OR11L1: variants seen among roughly 807,000 people sequenced by gnomAD.
OR11L1 encodes the protein olfactory receptor 11L1.
For missense variants in OR11L1, 397 were observed against 392.7 expected (o/e 1.01, Z -0.09); for synonymous variants, 164 against 159.1 (o/e 1.03, Z -0.23).
chr1:247,841,855 C>T lies in OR11L1; in HGVS notation c.42G>A (p.Leu14=), dbSNP rs201418677. The change falls in exon 1 of 1, where the codon CTG becomes CTA. Residue 14 remains leucine, a synonymous_variant. Transcript: ENST00000355784. The part of the protein sequence containing the change: ...QNTSTVTNFQ[L]LGFQNLLEWQ... ...ATTCAAGAAGGTTCTGGAATCCTAA[C>T]AGCTGAAAGTTAGTCACAGTGGAGG... The T allele has an allele frequency of 6.2e-7, 1 of 1,613,906 alleles. No homozygotes were observed. The highest frequency in any genetic ancestry group is 1.3e-5 in the African/African-American group (1 of 75,022).
Position 247,841,804 on chromosome 1 carries a change from G to A in OR11L1, c.93C>T (p.Phe31=), listed in dbSNP as rs753984060. The A allele has an allele frequency of 1.9e-6, 3 of 1,614,110 alleles. No individual in the cohort carries two copies. The highest frequency in any genetic ancestry group is 2.5e-6 in the Non-Finnish European group (3 of 1,180,012). Residue 31 remains phenylalanine, a synonymous_variant, in exon 1 of 1, where the codon TTC becomes TTT. Coordinates refer to ENST00000355784, the MANE Select transcript of OR11L1 (RefSeq NM_001001959.1). ...LEWQALLFVI[F]LLIYCLTIIG... ...TAATGGTCAGGCAGTAGATGAGCAG[G>A]AAAATGACAAAGAGCAGGGCCTGCC...
chr1:247,841,713 A>G lies in OR11L1; in HGVS notation c.184T>C (p.Phe62Leu). 1.2e-6 allele frequency: 2 copies of G among 1,614,084 alleles called. No homozygotes were observed. The highest frequency in any genetic ancestry group is 1.3e-5 in the African/African-American group (1 of 75,062). The change falls in exon 1 of 1, where the codon TTC becomes CTC. Residue 62 changes from phenylalanine to leucine, a missense_variant. Physicochemically the swap from Phe to Leu is conservative, Grantham distance 22 (BLOSUM62 0). Transcript: ENST00000355784. ...GLRLHSPMYM[F>L]LQHLSFLEVW... ...TCCAGAAAGGAGAGATGCTGGAGGA[A>G]CATGTACATAGGGGAGTGCAGTCGC...
Position 247,841,092 on chromosome 1 carries a change from C to T in OR11L1, c.805G>A (p.Glu269Lys), listed in dbSNP as rs866164111. ...YVCPSPHLLP[E>K]INKIISVFYT... is the part of the protein sequence containing the mutation. Reference sequence around the variant, plus strand: ...AAGACAGAAATGATCTTGTTGATTTCAGGCAACAGGTGGGGACTGGGACAC... The same window carrying T: ...AAGACAGAAATGATCTTGTTGATTTTAGGCAACAGGTGGGGACTGGGACAC... Residue 269 changes from glutamate to lysine, a missense_variant, in exon 1 of 1, where the codon GAA becomes AAA. By Grantham distance (56) the Glu-to-Lys change is moderately conservative. Transcript: ENST00000355784. The T allele has an allele frequency of 1.2e-6, 2 of 1,614,116 alleles. No individual in the cohort carries two copies. Among genetic ancestry groups the T allele is most frequent in the Middle Eastern group, 1.6e-4 (1 of 6,062 alleles).
rs760857351 is a variant in OR11L1 at position 247,841,869 on chromosome 1, T to C, written c.28A>G (p.Thr10Ala). 1.6e-5 allele frequency: 26 copies of C among 1,613,408 alleles called. No homozygotes were observed. The highest frequency in any genetic ancestry group is 5.0e-5 in the Admixed American group (3 of 59,982). Residue 10 changes from threonine (T) to alanine (A), a missense_variant, in exon 1 of 1, where the codon ACT becomes GCT. Coordinates refer to ENST00000355784, the MANE Select transcript of OR11L1 (RefSeq NM_001001959.1). Reference protein sequence around the residue: MEPQNTSTVTNFQLLGFQNL... With the variant: MEPQNTSTVANFQLLGFQNL... ...TGGAATCCTAACAGCTGAAAGTTAGTCACAGTGGAGGTATTTTGGGGCTCC... is the reference window on the plus strand; with the variant it reads ...TGGAATCCTAACAGCTGAAAGTTAGCCACAGTGGAGGTATTTTGGGGCTCC...
In OR11L1 at chr1:247,841,261, A is replaced by G; in HGVS notation, c.636T>C (p.Phe212=). The change falls in exon 1 of 1, where the codon TTT becomes TTC. Residue 212 remains phenylalanine, a synonymous_variant. Transcript: ENST00000355784. ...LSIAVLCICF[F]LTLGPYVFIV... ...TGAAAACATAGGGCCCCAGTGTCAG[A>G]AAAAAACAAATGCACAGCACGGCAA... 6.2e-7 allele frequency: 1 copy of G among 1,614,128 alleles called. No homozygotes were observed. Among genetic ancestry groups the G allele is most frequent in the East Asian group, 2.2e-5 (1 of 44,886 alleles).
At position 247,841,027 on chromosome 1, in the gene OR11L1, G is replaced by C. The variant is rs761262152; in HGVS notation, c.870C>G (p.Tyr290Ter). Residue 290 changes from tyrosine to a stop codon, truncating the protein, a stop_gained, in exon 1 of 1, where the codon TAC (tyrosine) becomes TAG (stop). Transcript: ENST00000355784. LOFTEE classifies it low-confidence loss of function (END_TRUNC). ...VVTPLLNPVI[Y>*]SLRNKDFKEA... ...CTTTGAAGTCTTTGTTCCTCAAGCTGTAGATAACTGGGTTCAGCAGTGGTG... is the reference window on the plus strand; with the variant it reads ...CTTTGAAGTCTTTGTTCCTCAAGCTCTAGATAACTGGGTTCAGCAGTGGTG... The C allele has an allele frequency of 1.2e-6, 2 of 1,614,066 alleles. No homozygotes were observed. Among genetic ancestry groups the C allele is most frequent in the African/African-American group, 2.7e-5 (2 of 74,930 alleles).
chr1:247,841,706 T>C lies in OR11L1; in HGVS notation c.191A>G (p.Gln64Arg). The C allele has an allele frequency of 6.2e-7, 1 of 1,614,074 alleles. No individual in the cohort carries two copies. Among genetic ancestry groups the C allele is most frequent in the South Asian group, 1.1e-5 (1 of 91,068 alleles). The change falls in exon 1 of 1, where the codon CAG becomes CGG. Residue 64 changes from glutamine to arginine, a missense_variant. By Grantham distance (43) the Gln-to-Arg change is conservative. Transcript: ENST00000355784. ...CCAGACCTCCAGAAAGGAGAGATGC[T>C]GGAGGAACATGTACATAGGGGAGTG... ...RLHSPMYMFL[Q>R]HLSFLEVWYT...
At position 247,841,195 on chromosome 1, in the gene OR11L1, C is replaced by T. The variant is rs1435216761; in HGVS notation, c.702G>A (p.Arg234=). ...AGCCACATGTGGAAAAGGTCTTTCTCCGGCCAGAGGTGGAAGGGATTCTCA... is the reference window on the plus strand; with the variant it reads ...AGCCACATGTGGAAAAGGTCTTTCTTCGGCCAGAGGTGGAAGGGATTCTCA... ...SILRIPSTSG[R]RKTFSTCGSH... Residue 234 remains arginine, a synonymous_variant, in exon 1 of 1, where the codon CGG becomes CGA. Transcript: ENST00000355784. 6.2e-7 allele frequency: 1 copy of T among 1,614,138 alleles called. No homozygotes were observed.
In OR11L1 at chr1:247,841,662, G is replaced by C; in HGVS notation, c.235C>G (p.Pro79Ala). The C allele has an allele frequency of 6.2e-7, 1 of 1,614,184 alleles. No homozygotes were observed. Among genetic ancestry groups the C allele is most frequent in the Non-Finnish European group, 8.5e-7 (1 of 1,180,032 alleles). The stretch of plus-strand genomic sequence containing the variant: ...GACAGCAGGTTGGCTAGGAGAAGGG[G>C]CACAGTGGTGGACGTGTACCAGACC... ...LEVWYTSTTV[P>A]LLLANLLSWG... Residue 79 changes from proline to alanine, a missense_variant, in exon 1 of 1, where the codon CCC becomes GCC. Transcript: ENST00000355784.
rs1456392151 is a variant in OR11L1, at chr1:247,841,602, C to G, written c.295G>C (p.Ala99Pro). 6.2e-7 allele frequency: 1 copy of G among 1,613,862 alleles called. No individual in the cohort carries two copies. Among genetic ancestry groups the G allele is most frequent in the Non-Finnish European group, 8.5e-7 (1 of 1,179,916 alleles). ...GQAISFSACM[A>P]QLYFFVFLGA... is the part of the protein sequence containing the mutation. The stretch of plus-strand genomic sequence containing the variant: ...AGGAATACGAAGAAGTAGAGCTGTG[C>G]CATGCAGGCAGAGAAGGAGATGGCT... Residue 99 changes from alanine (A) to proline (P), a missense_variant, in exon 1 of 1, where the codon GCA becomes CCA. Coordinates refer to ENST00000355784, the MANE Select transcript of OR11L1 (RefSeq NM_001001959.1).
chr1:247,841,699 G>A lies in OR11L1; in HGVS notation c.198C>T (p.Leu66=). Residue 66 remains leucine (L), a synonymous_variant, in exon 1 of 1, where the codon CTC becomes CTT. Coordinates refer to ENST00000355784, the MANE Select transcript of OR11L1 (RefSeq NM_001001959.1). ...ACGTGTACCAGACCTCCAGAAAGGA[G>A]AGATGCTGGAGGAACATGTACATAG... is the stretch of plus-strand genomic sequence containing the variant. ...HSPMYMFLQH[L]SFLEVWYTST... 6.2e-7 allele frequency: 1 copy of A among 1,614,154 alleles called. No homozygotes were observed. Among genetic ancestry groups the A allele is most frequent in the Non-Finnish European group, 8.5e-7 (1 of 1,179,976 alleles).
Position 247,841,812 on chromosome 1 carries a change from CAA to C in OR11L1, c.83_84del (p.Phe28CysfsTer93), listed in dbSNP as rs1558342627. 6.2e-7 allele frequency: 1 copy of C among 1,614,060 alleles called. No individual in the cohort carries two copies. ...AGGCAGTAGATGAGCAGGAAAATGA[CAA>C]AGAGCAGGGCCTGCCATTCAAGAAG... ...QNLLEWQALL[F>X]VIFLLIYCLT... On this transcript the variant is annotated frameshift_variant, in exon 1 of 1. Coordinates refer to ENST00000355784, the MANE Select transcript of OR11L1 (RefSeq NM_001001959.1). LOFTEE classifies it low-confidence loss of function (END_TRUNC).
Position 247,841,070 on chromosome 1 carries a change from A to T in OR11L1, c.827T>A (p.Val276Asp). ...LLPEINKIIS[V>D]FYTVVTPLLN... is the part of the protein sequence containing the mutation. The stretch of plus-strand genomic sequence containing the variant: ...CAGTGGTGTGACCACAGTGTAGAAG[A>T]CAGAAATGATCTTGTTGATTTCAGG... Residue 276 changes from valine to aspartate, a missense_variant, in exon 1 of 1, where the codon GTC becomes GAC. By Grantham distance (152) the Val-to-Asp change is radical. Coordinates refer to ENST00000355784, the MANE Select transcript of OR11L1 (RefSeq NM_001001959.1). 6.2e-7 allele frequency: 1 copy of T among 1,614,206 alleles called. No individual in the cohort carries two copies. Among genetic ancestry groups the T allele is most frequent in the South Asian group, 1.1e-5 (1 of 91,082 alleles).
At position 247,841,226 on chromosome 1, in the gene OR11L1, G is replaced by A. The variant is rs1364592673; in HGVS notation, c.671C>T (p.Ser224Phe). The part of the protein sequence containing the change: ...TLGPYVFIVS[S>F]ILRIPSTSGR... ...AGAGGTGGAAGGGATTCTCAATATGGAGGACACAATGAAAACATAGGGCCC... is the reference window on the plus strand; with the variant it reads ...AGAGGTGGAAGGGATTCTCAATATGAAGGACACAATGAAAACATAGGGCCC... The change falls in exon 1 of 1, where the codon TCC (serine) becomes TTC (phenylalanine). Residue 224 changes from serine to phenylalanine, a missense_variant. Transcript: ENST00000355784. 1 of 1,614,132 alleles carries A rather than the reference G, an allele frequency of 6.2e-7. No individual in the cohort carries two copies. The highest frequency in any genetic ancestry group is 1.1e-5 in the South Asian group (1 of 91,084).
At position 247,841,323 on chromosome 1, in the gene OR11L1, C is replaced by G; in HGVS notation, c.574G>C (p.Val192Leu). 6.2e-7 allele frequency: 1 copy of G among 1,614,186 alleles called. No individual in the cohort carries two copies. Among genetic ancestry groups the G allele is most frequent in the Non-Finnish European group, 8.5e-7 (1 of 1,180,016 alleles). Reference sequence around the variant, plus strand: ...AAGATGGTCACCTCGGTGATATAAACTCTGGAACAGGAGAGCTGCATGAGT... The same window carrying G: ...AAGATGGTCACCTCGGTGATATAAAGTCTGGAACAGGAGAGCTGCATGAGT... The part of the protein sequence containing the change: ...PPLMQLSCSR[V>L]YITEVTIFIL... The change falls in exon 1 of 1, where the codon GTT (valine) becomes CTT (leucine). Residue 192 changes from valine (V) to leucine (L), a missense_variant. Coordinates refer to ENST00000355784, the MANE Select transcript of OR11L1 (RefSeq NM_001001959.1).
At position 247,841,373 on chromosome 1, in the gene OR11L1, T is replaced by TTAATCTGA; in HGVS notation, c.516_523dup (p.Asn175IlefsTer26). On this transcript the variant is annotated frameshift_variant, in exon 1 of 1. Coordinates refer to ENST00000355784, the MANE Select transcript of OR11L1 (RefSeq NM_001001959.1). LOFTEE classifies it low-confidence loss of function (END_TRUNC). ...TGGCGGGAGGTCGCAGAAGAAATGG[T>TTAATCTGA]TAATCTGATTGCGCCCACAGAAGTC... 2.5e-6 allele frequency: 4 copies of TTAATCTGA among 1,613,934 alleles called. No individual in the cohort carries two copies. The highest frequency in any genetic ancestry group is 3.4e-6 in the Non-Finnish European group (4 of 1,179,962).
rs139127151 is a variant in OR11L1 at position 247,841,178 on chromosome 1, G to T, written c.719C>A (p.Thr240Lys). ...STSGRRKTFS[T>K]CGSHLAVVTL... ...GACAACAGCCAGGTGGGAGCCACATGTGGAAAAGGTCTTTCTCCGGCCAGA... is the reference window on the plus strand; with the variant it reads ...GACAACAGCCAGGTGGGAGCCACATTTGGAAAAGGTCTTTCTCCGGCCAGA... The change falls in exon 1 of 1, where the codon ACA becomes AAA. Residue 240 changes from threonine to lysine, a missense_variant. By Grantham distance (78) the Thr-to-Lys change is moderately conservative (BLOSUM62 -1). Transcript: ENST00000355784. 5.3e-5 allele frequency: 85 copies of T among 1,614,054 alleles called. No homozygotes were observed. The Middle Eastern group carries it at 9.9e-4, about 19-fold the overall frequency.
In OR11L1 at chr1:247,841,582, T is replaced by C. The variant is rs1339845; in HGVS notation, c.315A>G (p.Val105=). 1,557,902 of 1,613,776 alleles carry C rather than the reference T, an allele frequency of 0.97. 752,329 individuals carry two copies. Among genetic ancestry groups the C allele is most frequent in the East Asian group, 1 (44,838 of 44,842 alleles). Residue 105 remains valine, a synonymous_variant, in exon 1 of 1, where the codon GTA becomes GTG. Transcript: ENST00000355784. The part of the protein sequence containing the change: ...SACMAQLYFF[V]FLGATECFLL... ...GAAAGCACTCGGTGGCGCCGAGGAA[T>C]ACGAAGAAGTAGAGCTGTGCCATGC...
In OR11L1 at chr1:247,841,865, T is replaced by TGGAGC; in HGVS notation, c.31_32insGCTCC (p.Asn11SerfsTer7). 6.2e-7 allele frequency: 1 copy of TGGAGC among 1,613,614 alleles called. No individual in the cohort carries two copies. The highest frequency in any genetic ancestry group is 8.5e-7 in the Non-Finnish European group (1 of 1,179,878). On this transcript the variant is annotated frameshift_variant, in exon 1 of 1. Coordinates refer to ENST00000355784, the MANE Select transcript of OR11L1 (RefSeq NM_001001959.1). LOFTEE classifies it low-confidence loss of function (END_TRUNC). The stretch of plus-strand genomic sequence containing the variant: ...GTTCTGGAATCCTAACAGCTGAAAG[T>TGGAGC]TAGTCACAGTGGAGGTATTTTGGGG...
Sources: allele counts gnomAD v4.1 joint callset, GRCh38; gene constraint gnomAD v4.1.1; transcripts MANE v1.5; gene names NCBI Gene and HGNC (gene_info 2026-07-23, HGNC 2026-07-21).